THSD7B: variants seen among roughly 807,000 people sequenced by gnomAD.
THSD7B encodes the protein thrombospondin type-1 domain-containing protein 7B.
THSD7B carries 138 observed loss-of-function variants against 213.6 expected under a neutral mutation model. That is an observed-to-expected ratio of 0.65 (90% CI 0.56 to 0.74). The LOEUF is 0.74. Ranked by LOEUF, THSD7B falls within the 30% of genes least tolerant of loss-of-function variation. The probability of loss-of-function intolerance (pLI) is 0.00; values close to 1 mark genes in which losing one functional copy is unlikely to be tolerated. For missense variants in THSD7B, 1,931 were observed against 1,991.5 expected, an observed-to-expected ratio of 0.97 and a Z score of 0.58; for synonymous variants, 742 against 687.0, an observed-to-expected ratio of 1.08 and a Z score of -1.25.
At chr2:137,577,516 C>G (rs1338747776) in intron 17 of THSD7B, among the ~76,000 whole-genome samples, 1 of 152,048 alleles carries the variant, frequency 6.6e-6, no homozygotes, top group African/African-American at 2.4e-5. Context: ...CATTCTATCT[C>G]CATTTCTATC....
At chr2:137,540,294 C>A (rs1474037848) in intron 15 of THSD7B, among the ~76,000 whole-genome samples, 2 of 151,686 alleles carry the variant, frequency 1.3e-5, no homozygotes, top group East Asian at 1.9e-4. Context: ...AACCACTTGG[C>A]AAAACTTGTC....
intron 12 of THSD7B, among the ~76,000 whole-genome samples, chr2:137,341,180 C>T (rs981864704): frequency 7.3e-5 from 11 of 151,644 alleles, no homozygotes; most frequent in Admixed American, 6.6e-4. Context: ...TTTTAATTTG[C>T]ATTTCCCTAA....
chr2:136,790,630 A>C (rs1191945322), intron 1 of THSD7B, among the ~76,000 whole-genome samples: 1 of 152,136 alleles, frequency 6.6e-6, no homozygotes, highest in Non-Finnish European at 1.5e-5. Flanking sequence ...TTGGAGATTC[A>C]AAGACTGTAA....
intron 12 of THSD7B, among the ~76,000 whole-genome samples, chr2:137,308,189 C>T (rs74953620): frequency 0.056 from 8,495 of 152,002 alleles, 332 homozygotes; most frequent in East Asian, 0.11. Flanking sequence ...CTCATAAACT[C>T]ATACTTCAGT....
chr2:137,272,201 A>G (rs1408909686), intron 10 of THSD7B, among the ~76,000 whole-genome samples: 1 of 152,262 alleles, frequency 6.6e-6, no homozygotes, highest in East Asian at 1.9e-4. Flanking sequence ...CAGAGATTTC[A>G]GCTGTTGTTT....
intron 2 of THSD7B, among the ~76,000 whole-genome samples, chr2:137,037,224 T>TA (rs1051534194): frequency 2.2e-4 from 33 of 152,182 alleles, no homozygotes; most frequent in African/African-American, 7.7e-4. Context: ...ACATAGCAGT[T>TA]ACATAACCCT....
intron 12 of THSD7B, among the ~76,000 whole-genome samples, chr2:137,309,939 C>T (rs527860194): frequency 6.6e-6 from 1 of 152,048 alleles, no homozygotes; most frequent in East Asian, 1.9e-4. Context: ...CAAGTCTTTG[C>T]TATTGTGAAT....
At chr2:137,518,595 A>G (rs1680119172) in intron 15 of THSD7B, among the ~76,000 whole-genome samples, 1 of 152,188 alleles carries the variant, frequency 6.6e-6, no homozygotes, top group African/African-American at 2.4e-5. Flanking sequence ...AGTGCTCACC[A>G]ACGGGTGACC....
intron 2 of THSD7B, among the ~76,000 whole-genome samples, chr2:136,957,745 C>A (rs1262647667): frequency 1.3e-5 from 2 of 152,092 alleles, no homozygotes; most frequent in Admixed American, 6.6e-5. Context: ...GCTAGAGAAA[C>A]CTTGGCTTAT....
intron 21 of THSD7B, among the ~76,000 whole-genome samples, chr2:137,652,236 T>C (rs1016774373): frequency 1.3e-5 from 2 of 152,052 alleles, no homozygotes; most frequent in Non-Finnish European, 2.9e-5. Context: ...ACTTGGGAAG[T>C]CCAGTGTTGG....
At chr2:137,565,291 A>G (rs1285563107) in intron 16 of THSD7B, among the ~76,000 whole-genome samples, 1 of 152,146 alleles carries the variant, frequency 6.6e-6, no homozygotes, top group African/African-American at 2.4e-5. Context: ...ATTTATAAAG[A>G]AAAGAAATTT....
intron 25 of THSD7B, among the ~76,000 whole-genome samples, chr2:137,662,667 G>C (rs1292944380): frequency 6.6e-6 from 1 of 152,180 alleles, no homozygotes; most frequent in Non-Finnish European, 1.5e-5. Flanking sequence ...TTCTCAGTAA[G>C]AAGGGTGGGT....
chr2:137,286,180 A>G (rs1004265290), intron 12 of THSD7B, among the ~76,000 whole-genome samples: 1 of 152,084 alleles, frequency 6.6e-6, no homozygotes, highest in African/African-American at 2.4e-5. Context: ...AAAGGCAAGT[A>G]AGTTGATTGC....
At chr2:137,480,100 C>G (rs956261492) in intron 15 of THSD7B, among the ~76,000 whole-genome samples, 1 of 152,074 alleles carries the variant, frequency 6.6e-6, no homozygotes, top group Admixed American at 6.5e-5. Flanking sequence ...CATTCCTTGC[C>G]TTAGGTGTTT....
chr2:137,594,131 ACT>A (rs1195823098), intron 17 of THSD7B, among the ~76,000 whole-genome samples: 1 of 151,962 alleles, frequency 6.6e-6, no homozygotes, highest in African/African-American at 2.4e-5. Flanking sequence ...GAAGTCCCAG[ACT>A]CAGTCTGATT....
intron 12 of THSD7B, among the ~76,000 whole-genome samples, chr2:137,400,370 T>G (rs371812805): frequency 6.6e-6 from 1 of 152,170 alleles, no homozygotes; most frequent in South Asian, 2.1e-4. Flanking sequence ...GCTTCTTATT[T>G]GTGAATTTAC....
At chr2:136,971,225 G>T (rs1685398676) in intron 2 of THSD7B, among the ~76,000 whole-genome samples, 1 of 151,996 alleles carries the variant, frequency 6.6e-6, no homozygotes, top group Admixed American at 6.6e-5. Flanking sequence ...ACCCATGAAG[G>T]GTACTGTTAA....
intron 2 of THSD7B, among the ~76,000 whole-genome samples, chr2:136,931,394 A>G (rs1684624655): frequency 6.6e-6 from 1 of 152,198 alleles, no homozygotes; most frequent in African/African-American, 2.4e-5. Context: ...TAAGAATCAA[A>G]GTTTAAGTTT....
intron 17 of THSD7B, among the ~76,000 whole-genome samples, chr2:137,599,297 G>T (rs1682030398): frequency 6.6e-6 from 1 of 151,630 alleles, no homozygotes; most frequent in Non-Finnish European, 1.5e-5. Context: ...TGGACATTTG[G>T]GTTGGTTCCA....
Sources: allele counts gnomAD v4.1 joint callset (sites outside exome capture counted in the v4.1 genomes callset), GRCh38; gene constraint gnomAD v4.1.1; transcripts MANE v1.5; gene names NCBI Gene and HGNC (gene_info 2026-07-23, HGNC 2026-07-21).